Variants in RNF212 observed in about 807,000 individuals in gnomAD.
RNF212 encodes the protein ring finger protein 212.
RNF212 carries 33 observed loss-of-function variants against 34.7 expected under a neutral mutation model. That is an observed-to-expected ratio of 0.95 (90% CI 0.72 to 1.27). The LOEUF (loss-of-function observed/expected upper bound fraction) is 1.27, where lower values mean the gene tolerates loss of function less well. Ranked by LOEUF, RNF212 falls within the 50% of genes most tolerant of loss-of-function variation. The pLI, the probability that RNF212 is intolerant of heterozygous loss-of-function variation, is 0.00. For missense variants in RNF212, 377 were observed against 362.2 expected, an observed-to-expected ratio of 1.04 and a Z score of -0.33; for synonymous variants, 140 against 136.1, an observed-to-expected ratio of 1.03 and a Z score of -0.20.
chr4:1,081,081 C>T (rs963814739), intron 7 of RNF212, among the ~76,000 whole-genome samples: 8 of 152,224 alleles, frequency 5.3e-5, no homozygotes, highest in Non-Finnish European at 1.0e-4. Context: ...CCAGGTCAGC[C>T]CCTTAATTTC....
Position 1,073,058 on chromosome 4 carries a change from A to AG in RNF212, c.709dup (p.Leu237ProfsTer15), listed in dbSNP as rs1560099712. The AG allele has an allele frequency of 1.2e-6, 2 of 1,614,136 alleles. No individual in the cohort carries two copies. The highest frequency in any genetic ancestry group is 1.7e-5 in the Admixed American group (1 of 60,026). On this transcript the variant is annotated frameshift_variant, in exon 10 of 10. Transcript: ENST00000433731. LOFTEE classifies it low-confidence loss of function (END_TRUNC). ...CCCGTGCCTTCCAGAACTGAACGCT[A>AG]GGAGGAGCAGCCAGTGAGGACAGAC...
At chr4:1,061,316 G>C (rs1717734254) in intron 3 of RNF212, among the ~76,000 whole-genome samples, 1 of 152,198 alleles carries the variant, frequency 6.6e-6, no homozygotes, top group Non-Finnish European at 1.5e-5. Context: ...GGCTCAAGGT[G>C]GGAGGGGAAC....
At chr4:1,079,316 C>A (rs1039104944) in intron 8 of RNF212, among the ~76,000 whole-genome samples, 3 of 152,264 alleles carry the variant, frequency 2.0e-5, no homozygotes, top group African/African-American at 7.2e-5. Context: ...ATAGATTCAA[C>A]ACAGGACCAA....
At chr4:1,066,536 G>T (rs1718107442), downstream of RNF212, among the ~76,000 whole-genome samples, 1 of 152,286 alleles carries the variant, frequency 6.6e-6, no homozygotes, top group East Asian at 1.9e-4. Flanking sequence ...TCACCATGTT[G>T]CCCAGGCTGG....
chr4:1,085,729 G>A (rs186026441), intron 5 of RNF212, 167 bp downstream of exon 5: 34 of 628,472 alleles, frequency 5.4e-5, no homozygotes, highest in African/African-American at 3.6e-4. Flanking sequence ...TCTTCCCTTC[G>A]GTTTTCCCAC....
chr4:1,082,951 A>T (rs1720589757), intron 5 of RNF212, among the ~76,000 whole-genome samples: 1 of 152,228 alleles, frequency 6.6e-6, no homozygotes, highest in Non-Finnish European at 1.5e-5. Flanking sequence ...TGATGACAAA[A>T]ACAACAATGA....
At chr4:1,102,743 T>A (rs1724200414) in intron 2 of RNF212, among the ~76,000 whole-genome samples, 2 of 146,676 alleles carry the variant, frequency 1.4e-5, no homozygotes, top group Admixed American at 1.4e-4. Context: ...TCCCAGCTAC[T>A]CGGGAGGCTG....
intron 4 of RNF212, among the ~76,000 whole-genome samples, chr4:1,086,612 G>C (rs1481402591): frequency 6.7e-5 from 1 of 14,852 alleles, no homozygotes; most frequent in African/African-American, 4.1e-4. Context: ...AGAGGGGTGG[G>C]GGTGAGGAAG....
At chr4:1,102,759 G>C (rs573899713) in intron 2 of RNF212, among the ~76,000 whole-genome samples, 2 of 151,974 alleles carry the variant, frequency 1.3e-5, no homozygotes, top group East Asian at 1.9e-4. Flanking sequence ...GGCTGAGGCA[G>C]GGGAATGGCG....
At chr4:1,093,721 T>C (rs1378198956) in intron 3 of RNF212, 5 of 1,536,108 alleles carry the variant, frequency 3.3e-6, no homozygotes, top group African/African-American at 1.4e-5. Context: ...AACAGACATG[T>C]TTTATGAACT....
intron 1 of RNF212, among the ~76,000 whole-genome samples, chr4:1,111,225 T>G (rs1725608730): frequency 6.6e-6 from 1 of 152,310 alleles, no homozygotes; most frequent in Non-Finnish European, 1.5e-5. Flanking sequence ...CTTCAACAAA[T>G]GCTCTTTCCA....
At position 1,092,493 on chromosome 4, in the gene RNF212, C is replaced by T. The variant is rs899736720; in HGVS notation, c.247-1655G>A. 4.0e-5 allele frequency among the ~76,000 whole-genome samples: 6 copies of T among 148,414 alleles called. No individual in the cohort carries two copies. In the East Asian group the frequency reaches 9.6e-4, roughly 24 times the overall value. On this transcript the variant is annotated intron_variant, in intron 3 of 9. Coordinates refer to ENST00000433731, the MANE Select transcript of RNF212 (RefSeq NM_001131034.4). ...GCCACACAGGCCTGCAGCCTCATGCCGCCTCCGTGGTTTGTCTGGCCTGGC... is the reference window on the plus strand; with the variant it reads ...GCCACACAGGCCTGCAGCCTCATGCTGCCTCCGTGGTTTGTCTGGCCTGGC...
intron 2 of RNF212, among the ~76,000 whole-genome samples, chr4:1,104,251 C>T (rs541408307): frequency 1.2e-4 from 18 of 152,334 alleles, no homozygotes; most frequent in South Asian, 1.0e-3. Context: ...AAAATTTATG[C>T]GGACATGCGA....
intron 5 of RNF212, among the ~76,000 whole-genome samples, chr4:1,084,989 G>A (rs116148541): frequency 3.9e-5 from 6 of 152,346 alleles, no homozygotes; most frequent in African/African-American, 1.2e-4. Context: ...CGGCCCCAGT[G>A]AGGCCATGCC....
rs778233270 is a variant in RNF212, at chr4:1,113,495, G to T, written c.-31C>A. On this transcript the variant is annotated 5_prime_UTR_variant, in exon 1 of 10. Coordinates refer to ENST00000433731, the MANE Select transcript of RNF212 (RefSeq NM_001131034.4). ...GCGGGCGACCGCAGCGGCGAGGCCG[G>T]GCCCACGCGAAGCCCACGCAAGGTT... 3 of 1,578,370 alleles carry T rather than the reference G, an allele frequency of 1.9e-6. No homozygotes were observed. The highest frequency in any genetic ancestry group is 1.7e-4 in the Middle Eastern group (1 of 5,800).
chr4:1,059,240 T>C (rs1464657526), intron 3 of RNF212, among the ~76,000 whole-genome samples: 1 of 152,206 alleles, frequency 6.6e-6, no homozygotes, highest in African/African-American at 2.4e-5. Flanking sequence ...GCCCCGGGGC[T>C]GTGCAGACCT....
chr4:1,102,088 T>C (rs934650155), intron 2 of RNF212, among the ~76,000 whole-genome samples: 5 of 152,208 alleles, frequency 3.3e-5, no homozygotes, highest in Non-Finnish European at 5.9e-5. Flanking sequence ...AGGGAAGTTA[T>C]GACCCTATAG....
intron 8 of RNF212, among the ~76,000 whole-genome samples, chr4:1,078,365 C>T (rs1489083976): frequency 6.6e-6 from 1 of 152,190 alleles, no homozygotes; most frequent in African/African-American, 2.4e-5. Context: ...AAACTGCCTC[C>T]TCTCTCCCGT....
At chr4:1,091,814 C>T (rs994491663) in intron 3 of RNF212, among the ~76,000 whole-genome samples, 9 of 152,212 alleles carry the variant, frequency 5.9e-5, no homozygotes, top group African/African-American at 1.9e-4. Context: ...GCTGCGTCCT[C>T]GGAGTGACTT....
Sources: allele counts gnomAD v4.1 joint callset (sites outside exome capture counted in the v4.1 genomes callset), GRCh38; gene constraint gnomAD v4.1.1; transcripts MANE v1.5; gene names NCBI Gene and HGNC (gene_info 2026-07-23, HGNC 2026-07-21).